EPHA6: variants seen among roughly 807,000 people sequenced by gnomAD.
EPHA6 encodes the protein EPH receptor A6, also known as ephrin type-A receptor 6.
A neutral mutation model predicts 112.0 loss-of-function variants in EPHA6; 50 were observed. That is an observed-to-expected ratio of 0.45 (90% CI 0.36 to 0.56). The LOEUF is 0.56. Ranked by LOEUF, EPHA6 falls within the 20% of genes least tolerant of loss-of-function variation. The pLI is 0.00. For synonymous variants in EPHA6, 529 were observed against 490.7 expected (o/e 1.08, Z -1.03); for missense variants, 1,280 against 1,417.4 (o/e 0.90, Z 1.56).
intron 2 of EPHA6, among the ~76,000 whole-genome samples, chr3:96,929,871 T>C (rs2040225802): frequency 1.3e-5 from 2 of 152,300 alleles, no homozygotes; most frequent in South Asian, 4.1e-4. Context: ...CAAGCAGTCA[T>C]AGGTTTGGTC....
intron 3 of EPHA6, among the ~76,000 whole-genome samples, chr3:97,032,438 T>TA (rs2044897248): frequency 2.0e-5 from 3 of 152,072 alleles, no homozygotes; most frequent in Middle Eastern, 6.8e-3. Flanking sequence ...CCCTAAAACT[T>TA]AAAGTATAAT....
intron 11 of EPHA6, among the ~76,000 whole-genome samples, chr3:97,561,895 C>T (rs1443507431): frequency 6.6e-6 from 1 of 152,052 alleles, no homozygotes; most frequent in Non-Finnish European, 1.5e-5. Flanking sequence ...TCCTAGGGCC[C>T]TTGAGAATTA....
chr3:97,481,227 C>T, intron 9 of EPHA6: 1 of 1,340,710 alleles, frequency 7.5e-7, no homozygotes, highest in Non-Finnish European at 1.1e-6. Flanking sequence ...TTCTCCATTA[C>T]TATTTGGACT....
At position 97,309,609 on chromosome 3, in the gene EPHA6, C is replaced by A. The variant is rs1449503855; in HGVS notation, c.1606+65322C>A. ...AATTAATTTAAAAATTGGTAGTTTA[C>A]TGGTAACATATTTAAGTACTACTTA... On this transcript the variant is annotated intron_variant, in intron 5 of 17. Coordinates refer to ENST00000389672, the MANE Select transcript of EPHA6 (RefSeq NM_001080448.3). Among the ~76,000 whole-genome samples, 3 of 151,504 alleles carry A rather than the reference C, an allele frequency of 2.0e-5. No homozygotes were observed. The East Asian group carries it at 5.8e-4, about 29-fold the overall frequency.
Position 96,907,423 on chromosome 3 carries a change from G to A in EPHA6, c.450+40534G>A, listed in dbSNP as rs116812681. Among the ~76,000 whole-genome samples, 1,293 of 151,586 alleles carry A rather than the reference G, an allele frequency of 8.5e-3. 20 individuals are homozygous for A. Among genetic ancestry groups the A allele is most frequent in the African/African-American group, 0.028 (1,145 of 41,430 alleles). ...TAAAAACTAGGATTTATTACCTTCT[G>A]ATGTCTTGCAACTATTTCTAGACTT... On this transcript the variant is annotated intron_variant, in intron 2 of 17. Coordinates refer to ENST00000389672, the MANE Select transcript of EPHA6 (RefSeq NM_001080448.3).
At chr3:97,447,645 G>T in intron 6 of EPHA6, 1 of 334,760 alleles carries the variant, frequency 3.0e-6, no homozygotes, top group Non-Finnish European at 4.4e-6. Flanking sequence ...CTCTTACATG[G>T]ACAGGTAAAA....
intron 10 of EPHA6, 104 bp from the exon 11 acceptor site, chr3:97,532,254 A>T (rs562246185): frequency 2.1e-6 from 2 of 955,242 alleles, no homozygotes; most frequent in Admixed American, 5.3e-5. Context: ...TAACATACTT[A>T]AGAGTCATTA....
intron 1 of EPHA6, among the ~76,000 whole-genome samples, chr3:96,843,356 T>C (rs1412138199): frequency 3.3e-5 from 5 of 152,112 alleles, no homozygotes; most frequent in African/African-American, 1.2e-4. Context: ...ATTTTGGGAC[T>C]TGATAGTTAA....
intron 5 of EPHA6, among the ~76,000 whole-genome samples, chr3:97,341,811 A>C (rs1240522851): frequency 6.6e-6 from 1 of 152,172 alleles, no homozygotes; most frequent in African/African-American, 2.4e-5. Flanking sequence ...TCCGTGTTCC[A>C]TGCCTTCATA....
chr3:96,959,546 A>T (rs1446345833), intron 2 of EPHA6, among the ~76,000 whole-genome samples: 1 of 152,096 alleles, frequency 6.6e-6, no homozygotes, highest in Non-Finnish European at 1.5e-5. Flanking sequence ...TTTCCTTTTG[A>T]TGTCATATCT....
intron 2 of EPHA6, among the ~76,000 whole-genome samples, chr3:96,898,641 C>A (rs1165499308): frequency 1.3e-5 from 2 of 151,998 alleles, no homozygotes; most frequent in Non-Finnish European, 2.9e-5. Context: ...AAAAGTATAA[C>A]CCAATCAGGA....
At chr3:96,967,226 TATA>T (rs1372034658) in intron 2 of EPHA6, among the ~76,000 whole-genome samples, 8 of 150,418 alleles carry the variant, frequency 5.3e-5, no homozygotes, top group Non-Finnish European at 1.2e-4. Context: ...ACATAGGTTA[TATA>T]ATAAGAAATT....
At chr3:96,893,392 C>T (rs1004364708) in intron 2 of EPHA6, among the ~76,000 whole-genome samples, 4 of 152,134 alleles carry the variant, frequency 2.6e-5, no homozygotes, top group African/African-American at 9.7e-5. Context: ...TTTTATCTTG[C>T]ATCGATTTAA....
At chr3:97,366,283 G>T (rs1559926238) in intron 5 of EPHA6, among the ~76,000 whole-genome samples, 1 of 151,910 alleles carries the variant, frequency 6.6e-6, no homozygotes, top group South Asian at 2.1e-4. Context: ...GCAATATGTT[G>T]GGTGGAACAC....
At chr3:97,377,326 G>A (rs138869634) in intron 5 of EPHA6, among the ~76,000 whole-genome samples, 3,813 of 151,952 alleles carry the variant, frequency 0.025, 114 homozygotes, top group African/African-American at 0.079. Flanking sequence ...AGTGCCTTTC[G>A]CCTCCCACCA....
intron 5 of EPHA6, among the ~76,000 whole-genome samples, chr3:97,263,940 T>C (rs947455098): frequency 6.6e-6 from 1 of 152,202 alleles, no homozygotes; most frequent in Non-Finnish European, 1.5e-5. Flanking sequence ...TCCATATTAA[T>C]TTCATATAAG....
chr3:97,557,856 T>A (rs2093134877), intron 11 of EPHA6, among the ~76,000 whole-genome samples: 1 of 151,636 alleles, frequency 6.6e-6, no homozygotes, highest in South Asian at 2.1e-4. Context: ...GTTTTCCTTT[T>A]TCTTTCTTAA....
At chr3:97,385,310 A>G (rs756776634) in intron 5 of EPHA6, among the ~76,000 whole-genome samples, 6 of 152,194 alleles carry the variant, frequency 3.9e-5, no homozygotes, top group Non-Finnish European at 5.9e-5. Context: ...CACTCAATAT[A>G]CTTATGAACC....
chr3:97,103,469 G>A (rs2047469364), intron 3 of EPHA6, among the ~76,000 whole-genome samples: 1 of 151,822 alleles, frequency 6.6e-6, no homozygotes, highest in Non-Finnish European at 1.5e-5. Flanking sequence ...ATTATTTCTG[G>A]TTTGTTTATC....
Sources: gnomAD v4.1 joint callset for allele counts (sites outside exome capture counted in the v4.1 genomes callset) on GRCh38, gnomAD v4.1.1 for gene constraint, MANE v1.5 for transcripts, NCBI Gene and HGNC (gene_info 2026-07-23, HGNC 2026-07-21) for gene names.